The following ZBTB20 variants were observed in gnomAD, a reference collection of about 807,000 sequenced individuals.
The protein encoded by ZBTB20 is zinc finger and BTB domain containing 20.
In ZBTB20, 9 loss-of-function variants were observed where a neutral mutation model predicts 56.9. The ratio of observed to expected loss-of-function variants is 0.16; its 90% CI spans 0.10 to 0.28. ZBTB20 has a LOEUF of 0.28. ZBTB20 is among the 10% of genes least tolerant of loss of function. ZBTB20 has a pLI of 1.00. For missense variants in ZBTB20, 655 were observed against 1,003.0 expected, an observed-to-expected ratio of 0.65 and a Z score of 4.69; for synonymous variants, 417 against 420.7, an observed-to-expected ratio of 0.99 and a Z score of 0.11.
intron 6 of ZBTB20, among the ~76,000 whole-genome samples, chr3:114,671,683 TAAAA>T (rs1268146455): frequency 1.3e-5 from 2 of 151,260 alleles, no homozygotes; most frequent in African/African-American, 2.4e-5. Flanking sequence ...ACCAGAGTGT[TAAAA>T]AAAAGATGAA....
chr3:115,103,743 C>G (rs1336604249), intron 1 of ZBTB20, among the ~76,000 whole-genome samples: 1 of 152,112 alleles, frequency 6.6e-6, no homozygotes, highest in Non-Finnish European at 1.5e-5. Flanking sequence ...ATGCAAAATT[C>G]TAAGACTCCT....
At chr3:115,073,915 A>AT (rs1437171764) in intron 1 of ZBTB20, among the ~76,000 whole-genome samples, 3 of 152,084 alleles carry the variant, frequency 2.0e-5, no homozygotes, top group African/African-American at 7.2e-5. Flanking sequence ...AATCTTCCAC[A>AT]TAAGTTCTGA....
chr3:115,032,932 G>C (rs1576610520), intron 2 of ZBTB20, among the ~76,000 whole-genome samples: 1 of 82,854 alleles, frequency 1.2e-5, no homozygotes, highest in Non-Finnish European at 2.4e-5. Context: ...CCTCAAATCA[G>C]AACCTAACTT....
At chr3:114,518,415 C>T (rs2109894189) in intron 6 of ZBTB20, 1 of 152,306 alleles carries the variant, frequency 6.6e-6, no homozygotes, top group South Asian at 2.1e-4. Context: ...GAACTAATCA[C>T]TTGCCAAGTT....
chr3:114,505,727 C>G (rs1340664068), intron 6 of ZBTB20, among the ~76,000 whole-genome samples: 2 of 151,784 alleles, frequency 1.3e-5, no homozygotes, highest in African/African-American at 4.8e-5. Flanking sequence ...TGATTTTTAC[C>G]TTATTGATTT....
intron 1 of ZBTB20, among the ~76,000 whole-genome samples, chr3:115,145,466 T>C (rs1209135570): frequency 6.6e-6 from 1 of 152,218 alleles, no homozygotes; most frequent in Non-Finnish European, 1.5e-5. Flanking sequence ...TTCTCCCACA[T>C]ACTTTAAATC....
chr3:114,625,066 G>C (rs1206891538), intron 6 of ZBTB20: 1 of 152,922 alleles, frequency 6.5e-6, no homozygotes, highest in Non-Finnish European at 1.5e-5. Flanking sequence ...GCCAGGCCTG[G>C]AATAGCAGGG....
chr3:115,063,696 C>T (rs2082100726), intron 2 of ZBTB20, among the ~76,000 whole-genome samples: 1 of 151,690 alleles, frequency 6.6e-6, no homozygotes, highest in South Asian at 2.1e-4. Flanking sequence ...CACACACACA[C>T]AGTTTACCAG....
intron 6 of ZBTB20, among the ~76,000 whole-genome samples, chr3:114,614,898 T>C (rs574043293): frequency 5.9e-5 from 9 of 152,176 alleles, no homozygotes; most frequent in Admixed American, 4.6e-4. Context: ...GCTGGGATTA[T>C]AGGTGTGTGC....
intron 4 of ZBTB20, among the ~76,000 whole-genome samples, chr3:114,833,523 AT>A (rs916667957): frequency 2.0e-5 from 3 of 151,452 alleles, no homozygotes; most frequent in Non-Finnish European, 2.9e-5. Context: ...TAACAAGAGA[AT>A]TTTTTTTATT....
chr3:114,704,106 C>T (rs988349004), intron 5 of ZBTB20, among the ~76,000 whole-genome samples: 3 of 152,030 alleles, frequency 2.0e-5, no homozygotes, highest in African/African-American at 7.2e-5. Flanking sequence ...GCTAATTTCT[C>T]CTCAAAGTTG....
chr3:115,010,359 A>G (rs1420406962), intron 2 of ZBTB20, among the ~76,000 whole-genome samples: 1 of 152,016 alleles, frequency 6.6e-6, no homozygotes, highest in Admixed American at 6.6e-5. Context: ...CAACACAGTC[A>G]TAGTGGTGAT....
At chr3:115,002,409 A>C (rs1230459590) in intron 2 of ZBTB20, among the ~76,000 whole-genome samples, 1 of 151,622 alleles carries the variant, frequency 6.6e-6, no homozygotes, top group Admixed American at 6.6e-5. Flanking sequence ...TATTTGTGAA[A>C]GACAAATCAC....
intron 3 of ZBTB20, among the ~76,000 whole-genome samples, chr3:114,958,028 T>G (rs559655247): frequency 6.6e-6 from 1 of 152,316 alleles, no homozygotes; most frequent in South Asian, 2.1e-4. Context: ...CCCCACACAT[T>G]GTACTAAAAA....
rs2078749300 is a variant in ZBTB20 at position 114,317,912 on chromosome 3, G to GA, written c.*21092dup. ...GAGAGAGTTTTTAGACAGAAGAAAG[G>GA]AAAAAGGAAGAAATAGAGGCCTCTC... On this transcript the variant is annotated 3_prime_UTR_variant, in exon 12 of 12. Transcript: ENST00000675478. The GA allele has an allele frequency of 6.6e-6, 1 of 152,082 alleles. No individual in the cohort carries two copies. The highest frequency in any genetic ancestry group is 2.4e-5 in the African/African-American group (1 of 41,402). The allele number at this position is 152,082 out of a possible 1,614,324, so 9.4% of individuals were successfully genotyped here. A position where few individuals can be genotyped will look rare whatever the true frequency, so the allele number is the denominator to read the frequency against.
At chr3:114,349,683 T>C (rs1249124522) in intron 11 of ZBTB20, among the ~76,000 whole-genome samples, 1 of 152,198 alleles carries the variant, frequency 6.6e-6, no homozygotes, top group Non-Finnish European at 1.5e-5. Flanking sequence ...ACAAACTGAA[T>C]GTCTCCTCCT....
chr3:114,567,382 A>G (rs2052899814), intron 6 of ZBTB20, among the ~76,000 whole-genome samples: 1 of 152,222 alleles, frequency 6.6e-6, no homozygotes. Flanking sequence ...GTTTCCTACT[A>G]TAGCATGTTA....
intron 2 of ZBTB20, among the ~76,000 whole-genome samples, chr3:114,989,337 A>T (rs1400187997): frequency 2.0e-5 from 3 of 152,178 alleles, no homozygotes; most frequent in Non-Finnish European, 4.4e-5. Context: ...CAGTTTTCCC[A>T]GCACCATTTA....
At chr3:114,905,420 TAA>T in intron 3 of ZBTB20, among the ~76,000 whole-genome samples, 1 of 151,980 alleles carries the variant, frequency 6.6e-6, no homozygotes, top group South Asian at 2.1e-4. Flanking sequence ...AATCCTGTCA[TAA>T]TAATCATTTT....
Sources: gnomAD v4.1 joint callset for allele counts (sites outside exome capture counted in the v4.1 genomes callset) on GRCh38, gnomAD v4.1.1 for gene constraint, MANE v1.5 for transcripts, NCBI Gene and HGNC (gene_info 2026-07-23, HGNC 2026-07-21) for gene names.